ZNF438: variants seen among roughly 807,000 people sequenced by gnomAD.
The protein encoded by ZNF438 is zinc finger protein 438.
In ZNF438, 25 loss-of-function variants were observed where a neutral mutation model predicts 38.0. The observed-to-expected ratio is 0.66, with a 90% CI of 0.48 to 0.92. The LOEUF (loss-of-function observed/expected upper bound fraction) is 0.92, where lower values mean the gene tolerates loss of function less well. Ranked by LOEUF, ZNF438 falls within the 40% of genes least tolerant of loss-of-function variation. ZNF438 has a pLI of 0.00. For synonymous variants in ZNF438, 372 were observed against 364.1 expected (o/e 1.02, Z -0.25); for missense variants, 1,007 against 999.6 (o/e 1.01, Z -0.10).
chr10:30,954,734 A>G (rs1003363319), intron 1 of ZNF438, among the ~76,000 whole-genome samples: 3 of 152,338 alleles, frequency 2.0e-5, no homozygotes, highest in African/African-American at 4.8e-5. Flanking sequence ...GCGGGCTACA[A>G]TTTGATACAC....
At chr10:30,846,291 G>A (rs149328639) in intron 5 of ZNF438, among the ~76,000 whole-genome samples, 27 of 152,384 alleles carry the variant, frequency 1.8e-4, no homozygotes, top group African/African-American at 6.3e-4. Context: ...TGAAGGTGCA[G>A]CCGGGACTTG....
At chr10:30,887,755 A>G (rs1483712552) in intron 3 of ZNF438, among the ~76,000 whole-genome samples, 3 of 152,298 alleles carry the variant, frequency 2.0e-5, no homozygotes, top group African/African-American at 4.8e-5. Flanking sequence ...AAACCCAAGT[A>G]CATTTTAAAA....
chr10:31,027,514 C>T (rs766260040), intron 1 of ZNF438, among the ~76,000 whole-genome samples: 1 of 152,082 alleles, frequency 6.6e-6, no homozygotes, highest in Non-Finnish European at 1.5e-5. Context: ...CTGCTGGGAG[C>T]TACCTGACAC....
intron 1 of ZNF438, among the ~76,000 whole-genome samples, chr10:30,984,963 T>C (rs1375660161): frequency 6.6e-6 from 1 of 152,202 alleles, no homozygotes; most frequent in African/African-American, 2.4e-5. Context: ...TTTTTTTTAA[T>C]GATAGCATTA....
intron 2 of ZNF438, among the ~76,000 whole-genome samples, chr10:30,916,995 A>C (rs2043711029): frequency 6.6e-6 from 1 of 151,982 alleles, no homozygotes; most frequent in Non-Finnish European, 1.5e-5. Context: ...TTATTTCTTG[A>C]GGCAAAATTT....
chr10:31,028,845 G>A (rs991879452), intron 1 of ZNF438, among the ~76,000 whole-genome samples: 1 of 152,076 alleles, frequency 6.6e-6, no homozygotes. Flanking sequence ...TTGCCCCTAC[G>A]GAACCTACAG....
chr10:30,997,454 A>G (rs1034223845), intron 1 of ZNF438, among the ~76,000 whole-genome samples: 49 of 152,262 alleles, frequency 3.2e-4, no homozygotes, highest in African/African-American at 1.2e-3. Context: ...AATTATTAAC[A>G]AAGTCTTCTA....
chr10:30,930,333 C>T (rs1301454338), intron 2 of ZNF438, among the ~76,000 whole-genome samples: 4 of 152,278 alleles, frequency 2.6e-5, no homozygotes, highest in African/African-American at 7.2e-5. Flanking sequence ...AAGCCCCTCA[C>T]TGCCCAGGGC....
At position 30,889,879 on chromosome 10, in the gene ZNF438, T is replaced by C. The variant is rs114785856; in HGVS notation, c.-31-12814A>G. ...GTATGATCTTGGACAAATCATTTAATCTTTTTTTCCATTTCAGTTTCTGCT... is the reference window on the plus strand; with the variant it reads ...GTATGATCTTGGACAAATCATTTAACCTTTTTTTCCATTTCAGTTTCTGCT... On this transcript the variant is annotated intron_variant, in intron 3 of 5. Coordinates refer to ENST00000413025, the Ensembl canonical transcript of ZNF438. 5.9e-3 allele frequency among the ~76,000 whole-genome samples: 900 copies of C among 152,298 alleles called. 8 individuals are homozygous for C. Among genetic ancestry groups the C allele is most frequent in the African/African-American group, 0.021 (867 of 41,548 alleles).
chr10:30,885,560 A>C (rs2039850932), intron 3 of ZNF438, among the ~76,000 whole-genome samples: 1 of 152,220 alleles, frequency 6.6e-6, no homozygotes, highest in Admixed American at 6.5e-5. Context: ...GAGGTGCTCA[A>C]AGAAAATTAA....
At chr10:30,882,583 C>T (rs1021491188) in intron 3 of ZNF438, among the ~76,000 whole-genome samples, 3 of 152,128 alleles carry the variant, frequency 2.0e-5, no homozygotes, top group Admixed American at 2.0e-4. Context: ...AGAAGATAGA[C>T]ATTAAAGAGC....
intron 4 of ZNF438, among the ~76,000 whole-genome samples, chr10:30,874,906 G>T (rs1001371962): frequency 2.6e-5 from 4 of 151,806 alleles, no homozygotes; most frequent in African/African-American, 9.7e-5. Context: ...GTCACTTACT[G>T]GTTGGTGGTC....
At chr10:30,897,986 T>C (rs1411500259) in intron 3 of ZNF438, among the ~76,000 whole-genome samples, 1 of 152,190 alleles carries the variant, frequency 6.6e-6, no homozygotes, top group Non-Finnish European at 1.5e-5. Context: ...TTAAATACAA[T>C]TAAATACTAT....
chr10:30,870,441 T>A (rs1166348618), intron 4 of ZNF438, among the ~76,000 whole-genome samples: 1 of 152,058 alleles, frequency 6.6e-6, no homozygotes, highest in Non-Finnish European at 1.5e-5. Context: ...TTTTTTTGCA[T>A]TTTTTGTGCT....
chr10:30,987,184 G>A (rs544958271), intron 1 of ZNF438, among the ~76,000 whole-genome samples: 1 of 152,150 alleles, frequency 6.6e-6, no homozygotes, highest in Non-Finnish European at 1.5e-5. Context: ...GCTGGGTGTG[G>A]TGGCTCACAC....
chr10:30,894,704 C>T (rs1328709602), intron 3 of ZNF438, among the ~76,000 whole-genome samples: 1 of 152,076 alleles, frequency 6.6e-6, no homozygotes, highest in Non-Finnish European at 1.5e-5. Context: ...CATTATTATA[C>T]AAGGAGAAAG....
exon 6 of ZNF438, chr10:30,844,685 A>G (rs934886497): frequency 1.2e-5 from 4 of 341,948 alleles, no homozygotes; most frequent in South Asian, 4.9e-5. Context: ...CTAAATTTCA[A>G]TCTTCAAATT....
intron 1 of ZNF438, among the ~76,000 whole-genome samples, chr10:30,998,210 G>C (rs1429237672): frequency 6.6e-6 from 1 of 152,020 alleles, no homozygotes; most frequent in East Asian, 1.9e-4. Context: ...ATTTTACAAA[G>C]GGAGTGACCT....
intron 1 of ZNF438, among the ~76,000 whole-genome samples, chr10:30,962,206 GATCA>G: frequency 6.8e-6 from 1 of 146,930 alleles, no homozygotes; most frequent in South Asian, 2.2e-4. Context: ...AAAATACTCA[GATCA>G]ATCTCAAACC....
Sources: gnomAD v4.1 joint callset for allele counts (sites outside exome capture counted in the v4.1 genomes callset) on GRCh38, gnomAD v4.1.1 for gene constraint, MANE v1.5 for transcripts, NCBI Gene and HGNC (gene_info 2026-07-23, HGNC 2026-07-21) for gene names.